Variants in NAALADL2 observed in about 807,000 individuals in gnomAD.
The protein encoded by NAALADL2 is N-acetylated alpha-linked acidic dipeptidase like 2, also known as inactive N-acetylated-alpha-linked acidic dipeptidase-like protein 2.
A neutral mutation model predicts 87.2 loss-of-function variants in NAALADL2; 76 were observed. The ratio of observed to expected loss-of-function variants is 0.87; its 90% CI spans 0.72 to 1.05. The LOEUF (loss-of-function observed/expected upper bound fraction) is 1.05. Ranked by LOEUF, NAALADL2 falls within the 50% of genes least tolerant of loss-of-function variation. NAALADL2 has a pLI of 0.00. For missense variants in NAALADL2, 1,089 were observed against 945.8 expected (o/e 1.15, Z -1.99); for synonymous variants, 354 against 331.0 (o/e 1.07, Z -0.75).
chr3:175,151,195 C>T (rs1209217062), intron 2 of NAALADL2, among the ~76,000 whole-genome samples: 1 of 152,138 alleles, frequency 6.6e-6, no homozygotes, highest in East Asian at 1.9e-4. Flanking sequence ...CATTTACAAC[C>T]TTGTTTTCTC....
chr3:175,583,490 C>CAA (rs10681728), intron 10 of NAALADL2, among the ~76,000 whole-genome samples: 93,356 of 138,346 alleles, frequency 0.67, 32,399 homozygotes, highest in East Asian at 0.83. Context: ...GGATGAGCTG[C>CAA]AAAAAAAAAA....
chr3:175,351,675 G>A (rs1763794264), intron 5 of NAALADL2, among the ~76,000 whole-genome samples: 1 of 151,986 alleles, frequency 6.6e-6, no homozygotes, highest in Non-Finnish European at 1.5e-5. Flanking sequence ...GCAATCAGTA[G>A]GTCACAACCA....
At chr3:175,470,911 G>A (rs1724766067) in intron 8 of NAALADL2, among the ~76,000 whole-genome samples, 1 of 152,050 alleles carries the variant, frequency 6.6e-6, no homozygotes, top group Non-Finnish European at 1.5e-5. Flanking sequence ...GTGCAGCGTA[G>A]CTCATTGCTT....
At chr3:174,842,795 G>C (rs1413014968) in intron 3 of NAALADL2, among the ~76,000 whole-genome samples, 5 of 152,046 alleles carry the variant, frequency 3.3e-5, no homozygotes, top group Non-Finnish European at 7.4e-5. Flanking sequence ...GTGTGTGTGT[G>C]TATGTGTGTG....
chr3:175,672,258 G>A (rs1208038030), intron 11 of NAALADL2, among the ~76,000 whole-genome samples: 1 of 152,048 alleles, frequency 6.6e-6, no homozygotes, highest in Non-Finnish European at 1.5e-5. Flanking sequence ...AACCCCATCC[G>A]GGAACATTGG....
chr3:175,163,441 G>C (rs1733532555), intron 2 of NAALADL2, among the ~76,000 whole-genome samples: 1 of 151,872 alleles, frequency 6.6e-6, no homozygotes, highest in African/African-American at 2.4e-5. Flanking sequence ...CGTTTTGTAT[G>C]GTATTTGGAA....
intron 2 of NAALADL2, among the ~76,000 whole-genome samples, chr3:175,116,688 C>T (rs1229865396): frequency 6.6e-6 from 1 of 152,036 alleles, no homozygotes; most frequent in African/African-American, 2.4e-5. Context: ...AATGCCATCC[C>T]CATCAAGCTA....
At chr3:175,553,164 T>C (rs2149494376) in intron 9 of NAALADL2, among the ~76,000 whole-genome samples, 1 of 152,256 alleles carries the variant, frequency 6.6e-6, no homozygotes, top group South Asian at 2.1e-4. Context: ...AAATAACTCA[T>C]CTCATATCTA....
chr3:175,272,571 G>A (rs904710627), intron 4 of NAALADL2, among the ~76,000 whole-genome samples: 3 of 152,174 alleles, frequency 2.0e-5, no homozygotes, highest in Admixed American at 2.0e-4. Context: ...GCATTGAACC[G>A]GCTACATTTG....
intron 10 of NAALADL2, among the ~76,000 whole-genome samples, chr3:175,588,529 C>CTTTTTTTTT (rs1430802993): frequency 3.4e-4 from 32 of 94,478 alleles, no homozygotes; most frequent in African/African-American, 1.2e-3. Context: ...TTCTTTCTTT[C>CTTTTTTTTT]TTTTCTTTTT....
chr3:174,970,094 C>G (rs990099652), intron 1 of NAALADL2, among the ~76,000 whole-genome samples: 1 of 152,032 alleles, frequency 6.6e-6, no homozygotes, highest in African/African-American at 2.4e-5. Context: ...ATGGTTAATT[C>G]TAGTGACCAT....
In NAALADL2 at chr3:175,577,186, C is replaced by T. The variant is rs1484916397; in HGVS notation, c.1800+999C>T. Among the ~76,000 whole-genome samples, 6 of 152,076 alleles carry T rather than the reference C, an allele frequency of 3.9e-5. 1 individual carries two copies. The highest frequency in any genetic ancestry group is 1.9e-4 in the East Asian group (1 of 5,174). On this transcript the variant is annotated intron_variant, in intron 10 of 13. Transcript: ENST00000454872. The stretch of plus-strand genomic sequence containing the variant: ...GGAAGCCCTGACTCTGACACTTACT[C>T]GACAAATTATTTAACATCTTTCAAA...
At position 174,758,891 on chromosome 3, in the gene NAALADL2, A is replaced by G. The variant is rs377048887; in HGVS notation, c.-9+21145A>G. 3.2e-3 allele frequency among the ~76,000 whole-genome samples: 484 copies of G among 152,302 alleles called. 9 individuals carry two copies. The highest frequency in any genetic ancestry group is 0.017 in the South Asian group (83 of 4,830). ...CAAATTTTGAACATTTTACAGTGAG[A>G]TTAATTCTTTCCTAGTGGGCCTTAT... On this transcript the variant is annotated intron_variant, in intron 3 of 3. Transcript: ENST00000434257.
intron 3 of NAALADL2, among the ~76,000 whole-genome samples, chr3:174,805,928 C>T (rs1719421697): frequency 6.6e-6 from 1 of 152,058 alleles, no homozygotes; most frequent in African/African-American, 2.4e-5. Flanking sequence ...CTGAATTATT[C>T]TATAATTTTT....
At chr3:175,001,694 T>G (rs1748256354) in intron 1 of NAALADL2, among the ~76,000 whole-genome samples, 1 of 152,102 alleles carries the variant, frequency 6.6e-6, no homozygotes. Flanking sequence ...TGCCTATTAT[T>G]CTGCAAAAGA....
chr3:174,967,853 T>C (rs1743098619), intron 1 of NAALADL2, among the ~76,000 whole-genome samples: 1 of 152,220 alleles, frequency 6.6e-6, no homozygotes, highest in Non-Finnish European at 1.5e-5. Flanking sequence ...ATGGTTGTTG[T>C]TTAAACCACC....
chr3:175,021,974 C>T (rs929447305), intron 1 of NAALADL2, among the ~76,000 whole-genome samples: 4 of 151,958 alleles, frequency 2.6e-5, no homozygotes, highest in Non-Finnish European at 5.9e-5. Context: ...TCATGAATGG[C>T]TTGTCTTCCT....
At chr3:175,120,809 T>G (rs1037355202) in intron 2 of NAALADL2, among the ~76,000 whole-genome samples, 4 of 151,840 alleles carry the variant, frequency 2.6e-5, no homozygotes, top group African/African-American at 7.2e-5. Flanking sequence ...GATAAAACTG[T>G]TCAAACCAAT....
chr3:175,758,654 G>A (rs1373368529), intron 13 of NAALADL2, among the ~76,000 whole-genome samples: 2 of 151,750 alleles, frequency 1.3e-5, no homozygotes, highest in African/African-American at 4.8e-5. Flanking sequence ...ATTCTTAATG[G>A]GGAAGGAAAT....
Sources: gnomAD v4.1 joint callset for allele counts (sites outside exome capture counted in the v4.1 genomes callset) on GRCh38, gnomAD v4.1.1 for gene constraint, MANE v1.5 for transcripts, NCBI Gene and HGNC (gene_info 2026-07-23, HGNC 2026-07-21) for gene names.